TNRC18: variants seen among roughly 807,000 people sequenced by gnomAD.
TNRC18 encodes the protein trinucleotide repeat containing 18, also known as trinucleotide repeat-containing gene 18 protein.
In TNRC18, 69 loss-of-function variants were observed where a neutral mutation model predicts 226.7. The observed-to-expected ratio is 0.30, with a 90% CI of 0.25 to 0.37. TNRC18 has a LOEUF of 0.37. Among genes scored for constraint, TNRC18 ranks in the 10% least tolerant of loss-of-function variants. The pLI, the probability that TNRC18 is intolerant of heterozygous loss-of-function variation, is 1.00. For missense variants in TNRC18, 4,754 were observed against 4,256.6 expected, an observed-to-expected ratio of 1.12 and a Z score of -3.25; for synonymous variants, 2,449 against 1,927.6, an observed-to-expected ratio of 1.27 and a Z score of -7.09.
chr7:5,325,329 C>A (rs1462696515), intron 19 of TNRC18, 81 bp from the exon 20 acceptor site: 9 of 1,481,132 alleles, frequency 6.1e-6, no homozygotes, highest in Non-Finnish European at 7.2e-6. Flanking sequence ...CACTCACTCA[C>A]CCCCAAGTTC....
Position 5,346,531 on chromosome 7 carries a change from G to A in TNRC18, c.5471-721C>T, listed in dbSNP as rs111885271. 1.6e-4 allele frequency among the ~76,000 whole-genome samples: 24 copies of A among 152,284 alleles called. 1 individual carries two copies. The highest frequency in any genetic ancestry group is 2.2e-4 in the African/African-American group (9 of 41,550). On this transcript the variant is annotated intron_variant, in intron 17 of 29. Transcript: ENST00000430969. ...AAATAAAATAAAGTTGACCCCAGCCGGGCACAGTGGCTCACGCCTGTAATC... is the reference window on the plus strand; with the variant it reads ...AAATAAAATAAAGTTGACCCCAGCCAGGCACAGTGGCTCACGCCTGTAATC...
chr7:5,357,936 C>T (rs1166466698), intron 15 of TNRC18, among the ~76,000 whole-genome samples: 1 of 152,210 alleles, frequency 6.6e-6, no homozygotes, highest in Non-Finnish European at 1.5e-5. Context: ...TTACACTGAT[C>T]GCTGGCCCTG....
chr7:5,400,210 A>G (rs1240788174), intron 2 of TNRC18, among the ~76,000 whole-genome samples: 1 of 151,964 alleles, frequency 6.6e-6, no homozygotes, highest in East Asian at 1.9e-4. Flanking sequence ...GATTATTGTT[A>G]TTATTTATGG....
intron 26 of TNRC18, among the ~76,000 whole-genome samples, chr7:5,314,765 G>A (rs1787672804): frequency 6.6e-6 from 1 of 151,996 alleles, no homozygotes; most frequent in African/African-American, 2.4e-5. Context: ...TAGAGACGGA[G>A]TTTCACCACA....
intron 2 of TNRC18, among the ~76,000 whole-genome samples, chr7:5,402,534 A>G (rs1370612002): frequency 1.3e-5 from 2 of 151,466 alleles, no homozygotes; most frequent in Non-Finnish European, 1.5e-5. Context: ...CCCTGTCTCA[A>G]AAAGACAAAA....
At chr7:5,395,924 G>A (rs1780648460) in intron 2 of TNRC18, among the ~76,000 whole-genome samples, 1 of 151,894 alleles carries the variant, frequency 6.6e-6, no homozygotes. Context: ...TTGAAGCTGG[G>A]AGGCGGAGGT....
At chr7:5,349,941 C>T (rs963318144) in intron 17 of TNRC18, among the ~76,000 whole-genome samples, 2 of 152,182 alleles carry the variant, frequency 1.3e-5, no homozygotes, top group East Asian at 1.9e-4. Flanking sequence ...CCTCACCCCC[C>T]GCACTCCCCT....
chr7:5,315,972 AG>A lies in TNRC18; in HGVS notation c.6845del (p.Pro2282LeufsTer81). The A allele has an allele frequency of 6.3e-7, 1 of 1,595,624 alleles. No homozygotes were observed. The highest frequency in any genetic ancestry group is 1.4e-5 in the African/African-American group (1 of 73,514). ...IPLSHIRLLP[P>X]DYKIQCAEPS... ...GTCACTTACACTGTATCTTATAGTC[AG>A]GGGGCAGGAGGCGGATATGTGAGAG... On this transcript the variant is annotated frameshift_variant, in exon 25 of 30. Coordinates refer to ENST00000430969, the MANE Select transcript of TNRC18 (RefSeq NM_001080495.3). LOFTEE classifies it high-confidence loss of function.
Position 5,352,025 on chromosome 7 carries a change from T to G in TNRC18, c.5264A>C (p.Lys1755Thr). ...GCTACACAGGAGGGAAGGCGTCAGT[T>G]TGGAGCTGGAGGGGCCTTGGGCGGG... is the stretch of plus-strand genomic sequence containing the variant. ...EWPAQGPSSSKLTPSLLCSMV... is the reference protein window; with the variant it reads ...EWPAQGPSSSTLTPSLLCSMV... The change falls in exon 17 of 30, where the codon AAA becomes ACA. Residue 1755 changes from lysine (K) to threonine (T), a missense_variant. By Grantham distance (78) the Lys-to-Thr change is moderately conservative. Transcript: ENST00000430969. 6.2e-7 allele frequency: 1 copy of G among 1,613,936 alleles called. No homozygotes were observed. The highest frequency in any genetic ancestry group is 1.1e-5 in the South Asian group (1 of 91,070).
chr7:5,366,593 G>C (rs144158018), intron 11 of TNRC18, among the ~76,000 whole-genome samples: 4,875 of 152,090 alleles, frequency 0.032, 270 homozygotes, highest in African/African-American at 0.11. Flanking sequence ...CAAAGTGCTG[G>C]GATTCCAGGC....
intron 11 of TNRC18, among the ~76,000 whole-genome samples, chr7:5,367,503 C>T (rs1265809513): frequency 6.6e-6 from 1 of 151,512 alleles, no homozygotes; most frequent in African/African-American, 2.4e-5. Context: ...TCTCGGCTCA[C>T]TGCAACCTCC....
chr7:5,411,552 G>T (rs1455337596), intron 2 of TNRC18, among the ~76,000 whole-genome samples: 1 of 149,572 alleles, frequency 6.7e-6, no homozygotes, highest in Non-Finnish European at 1.5e-5. Flanking sequence ...TAGAGGGAAA[G>T]TATTTCCCAA....
chr7:5,411,728 G>A (rs148746502), intron 2 of TNRC18, among the ~76,000 whole-genome samples: 4 of 152,088 alleles, frequency 2.6e-5, no homozygotes, highest in African/African-American at 4.8e-5. Context: ...AGACACACAG[G>A]AGAGAGGCAA....
chr7:5,308,452 G>T, intron 29 of TNRC18, 140 bp from the exon 30 acceptor site: 1 of 753,464 alleles, frequency 1.3e-6, no homozygotes. Context: ...CAGAGGCTGA[G>T]TAAGAGACAG....
At chr7:5,384,390 C>T (rs1293796697) in intron 5 of TNRC18, among the ~76,000 whole-genome samples, 1 of 152,190 alleles carries the variant, frequency 6.6e-6, no homozygotes, top group Non-Finnish European at 1.5e-5. Context: ...CCTGAGCCAC[C>T]ATACCCAGCC....
chr7:5,380,815 A>G (rs555391912), intron 5 of TNRC18, among the ~76,000 whole-genome samples: 103 of 152,256 alleles, frequency 6.8e-4, no homozygotes, highest in African/African-American at 2.3e-3. Flanking sequence ...GTGCTGAGAA[A>G]TCGAGTCATG....
At chr7:5,420,763 T>C (rs1043062042) in intron 2 of TNRC18, 2 of 635,808 alleles carry the variant, frequency 3.1e-6, no homozygotes, top group Non-Finnish European at 2.9e-6. Context: ...CAGCCCAGGC[T>C]CGTGCCGCCG....
chr7:5,338,072 G>C (rs183323246), intron 18 of TNRC18, among the ~76,000 whole-genome samples: 14 of 152,270 alleles, frequency 9.2e-5, no homozygotes, highest in Admixed American at 7.9e-4. Context: ...TATAAAATAT[G>C]AGGTATGATA....
At position 5,388,191 on chromosome 7, in the gene TNRC18, A is replaced by T; in HGVS notation, c.1633T>A (p.Ser545Thr). ...TCCAGGTAGGCCTTCTTGGAGGAGG[A>T]GGCAGCGACCACGGCGGCCTCCTCT... is the stretch of plus-strand genomic sequence containing the variant. ...AEEEAAVVAASSSKKAYLDPG... is the reference protein window; with the variant it reads ...AEEEAAVVAATSSKKAYLDPG... The change falls in exon 5 of 30, where the codon TCC becomes ACC. Residue 545 changes from serine (S) to threonine (T), a missense_variant. Transcript: ENST00000430969. 1 of 1,589,426 alleles carries T rather than the reference A, an allele frequency of 6.3e-7. No homozygotes were observed. Among genetic ancestry groups the T allele is most frequent in the South Asian group, 1.1e-5 (1 of 87,980 alleles).
Sources: allele counts gnomAD v4.1 joint callset (sites outside exome capture counted in the v4.1 genomes callset), GRCh38; gene constraint gnomAD v4.1.1; transcripts MANE v1.5; gene names NCBI Gene and HGNC (gene_info 2026-07-23, HGNC 2026-07-21).